STX8: variants seen among roughly 807,000 people sequenced by gnomAD.
STX8 encodes the protein syntaxin-8.
In STX8, 23 loss-of-function variants were observed where a neutral mutation model predicts 37.5. The observed-to-expected ratio is 0.61, with a 90% CI of 0.44 to 0.87. The LOEUF is 0.87. Ranked by LOEUF, STX8 falls within the 40% of genes least tolerant of loss-of-function variation. STX8 has a pLI of 0.00. For missense variants in STX8, 313 were observed against 284.7 expected, an observed-to-expected ratio of 1.10 and a Z score of -0.71; for synonymous variants, 115 against 99.1, an observed-to-expected ratio of 1.16 and a Z score of -0.95.
intron 4 of STX8, among the ~76,000 whole-genome samples, chr17:9,521,309 T>C (rs2074522541): frequency 6.6e-6 from 1 of 152,184 alleles, no homozygotes; most frequent in South Asian, 2.1e-4. Flanking sequence ...ATTAACATAG[T>C]GGCTCAAGGG....
intron 7 of STX8, among the ~76,000 whole-genome samples, chr17:9,265,243 T>G (rs185998358): frequency 6.6e-6 from 1 of 151,920 alleles, no homozygotes; most frequent in Admixed American, 6.6e-5. Context: ...TCCTAAAGAG[T>G]CAAAGTGAAT....
intron 2 of STX8, among the ~76,000 whole-genome samples, chr17:9,559,734 T>TATA (rs1907127741): frequency 2.1e-5 from 1 of 48,754 alleles, no homozygotes; most frequent in African/African-American, 7.0e-5. Context: ...TATTATTATT[T>TATA]TATATATATA....
intron 6 of STX8, among the ~76,000 whole-genome samples, chr17:9,384,541 G>C (rs1911923054): frequency 6.6e-6 from 1 of 152,016 alleles, no homozygotes; most frequent in South Asian, 2.1e-4. Context: ...GGGAGGCTGA[G>C]GCAGGAGAAT....
chr17:9,572,970 C>G (rs888167566), intron 1 of STX8, among the ~76,000 whole-genome samples: 1 of 152,082 alleles, frequency 6.6e-6, no homozygotes, highest in East Asian at 1.9e-4. Context: ...TATCTTTGAC[C>G]TTTATTTCCT....
At chr17:9,338,333 C>T (rs12951832) in intron 7 of STX8, among the ~76,000 whole-genome samples, 23,457 of 152,020 alleles carry the variant, frequency 0.15, 2,012 homozygotes, top group African/African-American at 0.21. Flanking sequence ...GGATTACAGG[C>T]GTGAGCCACA....
chr17:9,294,060 T>C (rs62067063), intron 7 of STX8, among the ~76,000 whole-genome samples: 77,026 of 152,050 alleles, frequency 0.51, 19,798 homozygotes, highest in African/African-American at 0.59. Flanking sequence ...CCACTGCCCC[T>C]GGCCCAAGTC....
At chr17:9,288,691 TA>T (rs1315140954) in intron 7 of STX8, among the ~76,000 whole-genome samples, 15 of 150,624 alleles carry the variant, frequency 1.0e-4, no homozygotes, top group African/African-American at 3.6e-4. Flanking sequence ...AATAAATAAA[TA>T]AATAAATAAA....
intron 6 of STX8, among the ~76,000 whole-genome samples, chr17:9,419,879 T>C (rs914653000): frequency 6.6e-6 from 1 of 152,198 alleles, no homozygotes; most frequent in African/African-American, 2.4e-5. Flanking sequence ...AATAGGAAAT[T>C]ATCTGTGTAG....
chr17:9,568,715 T>C (rs1907561647), intron 1 of STX8, among the ~76,000 whole-genome samples: 2 of 152,232 alleles, frequency 1.3e-5, no homozygotes, highest in Admixed American at 1.3e-4. Flanking sequence ...TTAGCCAAGA[T>C]GGTCTCGATC....
Position 9,491,908 on chromosome 17 carries a change from G to A in STX8, c.462C>T (p.Gly154=). 6.2e-7 allele frequency: 1 copy of A among 1,612,020 alleles called. No homozygotes were observed. Among genetic ancestry groups the A allele is most frequent in the Non-Finnish European group, 8.5e-7 (1 of 1,179,332 alleles). The change falls in exon 6 of 8, where the codon GGC becomes GGT. Residue 154 remains glycine (G), a synonymous_variant. Coordinates refer to ENST00000306357, the MANE Select transcript of STX8 (RefSeq NM_004853.3). ...TTATGATAGAGGAAAGGGCATCAAG[G>A]CCTGCGTCCTGTTCTGAAAGAAAAA... ...QQKIIQEQDA[G]LDALSSIISR...
intron 4 of STX8, among the ~76,000 whole-genome samples, chr17:9,518,712 C>A (rs1385150948): frequency 1.3e-5 from 2 of 151,746 alleles, no homozygotes; most frequent in Non-Finnish European, 2.9e-5. Flanking sequence ...ACTAAAAATA[C>A]AAAAAATTAG....
intron 4 of STX8, among the ~76,000 whole-genome samples, chr17:9,528,580 T>A (rs776739865): frequency 6.6e-6 from 1 of 152,166 alleles, no homozygotes; most frequent in South Asian, 2.1e-4. Flanking sequence ...AGTGCTGGGA[T>A]TACAGGCGTG....
At chr17:9,419,918 T>C (rs933934535) in intron 6 of STX8, among the ~76,000 whole-genome samples, 5 of 152,222 alleles carry the variant, frequency 3.3e-5, no homozygotes, top group African/African-American at 1.2e-4. Flanking sequence ...TAGGCTAACT[T>C]TTCAGTAATT....
At chr17:9,518,090 T>C (rs1597720427) in intron 4 of STX8, among the ~76,000 whole-genome samples, 1 of 152,046 alleles carries the variant, frequency 6.6e-6, no homozygotes, top group East Asian at 1.9e-4. Flanking sequence ...AACTTTCTAC[T>C]AGTTCTTCTC....
chr17:9,494,390 G>A (rs577463371), intron 5 of STX8, among the ~76,000 whole-genome samples: 152 of 151,322 alleles, frequency 1.0e-3, no homozygotes, highest in African/African-American at 3.3e-3. Flanking sequence ...GCACTTTAGG[G>A]GGCTGAAGCG....
rs1366115256 is a variant in STX8, at chr17:9,568,356, C to G, written c.117+15G>C. 1.3e-6 allele frequency: 2 copies of G among 1,595,682 alleles called. No individual in the cohort carries two copies. The highest frequency in any genetic ancestry group is 1.7e-6 in the Non-Finnish European group (2 of 1,167,084). On this transcript the variant is annotated intron_variant, in intron 2 of 7. Coordinates refer to ENST00000306357, the MANE Select transcript of STX8 (RefSeq NM_004853.3). ...TCAAACAAATCATTGGGTACTAATT[C>G]CTTCATGGTATTACCTTTGGTGCCT...
At chr17:9,458,748 A>C (rs74776041) in intron 6 of STX8, among the ~76,000 whole-genome samples, 2,498 of 152,284 alleles carry the variant, frequency 0.016, 66 homozygotes, top group African/African-American at 0.057. Context: ...ACGAAGCTGA[A>C]GCCAAACAGC....
intron 6 of STX8, among the ~76,000 whole-genome samples, chr17:9,426,387 C>T (rs943419065): frequency 6.6e-5 from 10 of 151,982 alleles, no homozygotes; most frequent in South Asian, 2.1e-4. Flanking sequence ...ATTAGCTGGG[C>T]GTGGTGGTCG....
intron 4 of STX8, among the ~76,000 whole-genome samples, chr17:9,517,740 G>C (rs1414126138): frequency 7.1e-6 from 1 of 141,080 alleles, no homozygotes; most frequent in Non-Finnish European, 1.5e-5. Context: ...GACTGTTTGA[G>C]CCCAAGAGTT....
Sources: gnomAD v4.1 joint callset for allele counts (sites outside exome capture counted in the v4.1 genomes callset) on GRCh38, gnomAD v4.1.1 for gene constraint, MANE v1.5 for transcripts, NCBI Gene and HGNC (gene_info 2026-07-23, HGNC 2026-07-21) for gene names.